Variants in EPS15 observed in about 807,000 individuals in gnomAD.
The protein encoded by EPS15 is epidermal growth factor receptor pathway substrate 15.
A neutral mutation model predicts 113.8 loss-of-function variants in EPS15; 72 were observed. That is an observed-to-expected ratio of 0.63 (90% confidence interval 0.52 to 0.77). The LOEUF is 0.77. Among genes scored for constraint, EPS15 ranks in the 30% least tolerant of loss-of-function variants. The pLI, the probability that EPS15 is intolerant of heterozygous loss-of-function variation, is 0.00. For synonymous variants in EPS15, 344 were observed against 363.4 expected, an observed-to-expected ratio of 0.95 and a Z score of 0.61; for missense variants, 1,048 against 1,045.8, an observed-to-expected ratio of 1.00 and a Z score of -0.03.
rs1467958105 is a variant in EPS15, at chr1:51,398,981, T to A, written c.2052+51A>T. ...CACTATGTATTTCAAGAAACTTGCT[T>A]AGGACACTTATTATCCATTTAACTT... On this transcript the variant is annotated intron_variant, in intron 20 of 24. Coordinates refer to ENST00000371733, the MANE Select transcript of EPS15 (RefSeq NM_001981.3). The A allele has an allele frequency of 2.0e-6, 3 of 1,523,606 alleles. No homozygotes were observed. In the South Asian group the frequency reaches 3.6e-5, roughly 18 times the overall value. 94.4% of individuals were successfully genotyped at this position (1,523,606 alleles called of 1,614,324 possible).
At chr1:51,450,320 C>A (rs1459268034) in intron 8 of EPS15, among the ~76,000 whole-genome samples, 3 of 151,868 alleles carry the variant, frequency 2.0e-5, no homozygotes, top group African/African-American at 7.3e-5. Flanking sequence ...AGAAAACAGG[C>A]TTAACTGGCT....
intron 13 of EPS15, among the ~76,000 whole-genome samples, chr1:51,420,091 A>AT (rs1650607190): frequency 6.6e-6 from 1 of 152,070 alleles, no homozygotes; most frequent in South Asian, 2.1e-4. Flanking sequence ...AGAGCACTCT[A>AT]TGTGGAAAAA....
chr1:51,363,033 C>G lies in EPS15; in HGVS notation c.2359+833G>C, dbSNP rs543847895. Among the ~76,000 whole-genome samples, 18 of 152,278 alleles carry G rather than the reference C, an allele frequency of 1.2e-4. No individual in the cohort carries two copies. The South Asian group carries it at 3.7e-3, about 32-fold the overall frequency. On this transcript the variant is annotated intron_variant, in intron 23 of 24. Transcript: ENST00000371733. ...AGAGTCTTGGCCAGGTGCAGTGGCT[C>G]ACACCTGTAATCCCAGCACTTTGGG... is the stretch of plus-strand genomic sequence containing the variant.
rs1309443214 is a variant in EPS15 at position 51,355,906 on chromosome 1, T to G, written c.*794A>C. On this transcript the variant is annotated 3_prime_UTR_variant, in exon 25 of 25. Transcript: ENST00000371733. ...TGATGGGTATATTTTAGGTGATAAA[T>G]TTTCTCCACTATCTATCACTTAAAA... 5 of 193,746 alleles carry G rather than the reference T, an allele frequency of 2.6e-5. No individual in the cohort carries two copies. The highest frequency in any genetic ancestry group is 5.4e-5 in the Non-Finnish European group (5 of 93,044). The allele number at this position is 193,746 out of a possible 1,614,324, so 12.0% of individuals were successfully genotyped here.
intron 17 of EPS15, among the ~76,000 whole-genome samples, chr1:51,403,034 T>G (rs1343154464): frequency 6.6e-6 from 1 of 152,214 alleles, no homozygotes; most frequent in Non-Finnish European, 1.5e-5. Context: ...AAATAGTGTA[T>G]AATTCATCTG....
intron 1 of EPS15, among the ~76,000 whole-genome samples, chr1:51,483,064 C>T (rs59453708): frequency 0.014 from 2,117 of 152,188 alleles, 53 homozygotes; most frequent in African/African-American, 0.049. Context: ...GTAAACCATT[C>T]CAAGTAGCAT....
chr1:51,417,934 A>G (rs1462772949), intron 13 of EPS15, among the ~76,000 whole-genome samples: 1 of 152,224 alleles, frequency 6.6e-6, no homozygotes. Flanking sequence ...AGTGAGCAAC[A>G]GTAAAGATTC....
At chr1:51,454,102 C>T (rs1653798914) in intron 8 of EPS15, among the ~76,000 whole-genome samples, 1 of 149,380 alleles carries the variant, frequency 6.7e-6, no homozygotes, top group African/African-American at 2.5e-5. Flanking sequence ...TTTTACGACC[C>T]AATAGGAGGA....
chr1:51,371,517 A>G (rs1433114358), intron 21 of EPS15, among the ~76,000 whole-genome samples: 6 of 136,542 alleles, frequency 4.4e-5, no homozygotes, highest in Non-Finnish European at 9.7e-5. Context: ...AAGTTAAAAA[A>G]AAAAAGAAAA....
At chr1:51,374,853 G>A (rs1646749081) in intron 21 of EPS15, among the ~76,000 whole-genome samples, 1 of 151,834 alleles carries the variant, frequency 6.6e-6, no homozygotes, top group Non-Finnish European at 1.5e-5. Flanking sequence ...ACAGGTGCAT[G>A]CCACCATGCC....
At chr1:51,395,496 G>A (rs1647839521) in intron 20 of EPS15, among the ~76,000 whole-genome samples, 1 of 151,580 alleles carries the variant, frequency 6.6e-6, no homozygotes, top group South Asian at 2.1e-4. Context: ...CCCTCAGAGA[G>A]AAAACACATA....
intron 18 of EPS15, 123 bp from the exon 19 acceptor site, chr1:51,401,076 T>C: frequency 1.7e-6 from 1 of 590,872 alleles, no homozygotes; most frequent in Non-Finnish European, 3.0e-6. Context: ...CACTTCACAG[T>C]AGATAAAATA....
intron 24 of EPS15, among the ~76,000 whole-genome samples, chr1:51,357,426 A>ATATATATATATAT (rs1443627608): frequency 3.7e-5 from 2 of 53,542 alleles, no homozygotes; most frequent in African/African-American, 1.9e-4. Context: ...ATATATATAT[A>ATATATATATATAT]TTTTTTTTTT....
In EPS15 at chr1:51,463,682, G is replaced by A. The variant is rs187428413; in HGVS notation, c.492C>T (p.Ile164=). 3.8e-6 allele frequency: 6 copies of A among 1,586,142 alleles called. No homozygotes were observed. The African/African-American group carries it at 5.4e-5, about 14-fold the overall frequency. Residue 164 remains isoleucine, a synonymous_variant, in exon 7 of 25, where the codon ATC becomes ATT. Transcript: ENST00000371733. ...GTAAATAATATCTTACTCTTCCAAG[G>A]ATATCCACAGGTAACTTAGAGTTGA... ...VLLNSKLPVD[I]LGRVWELSDI...
In EPS15 at chr1:51,504,664, G is replaced by C. The variant is rs554804190; in HGVS notation, c.33+14535C>G. Among the ~76,000 whole-genome samples, 4 of 152,232 alleles carry C rather than the reference G, an allele frequency of 2.6e-5. No homozygotes were observed. In the South Asian group the frequency reaches 8.3e-4, roughly 32 times the overall value. Reference sequence around the variant, plus strand: ...CTAATAAGCACATAAAAAGATGCTTGACATCATTAATCATCAGAGAAATGA... The same window carrying C: ...CTAATAAGCACATAAAAAGATGCTTCACATCATTAATCATCAGAGAAATGA... On this transcript the variant is annotated intron_variant, in intron 1 of 24. Transcript: ENST00000371733.
chr1:51,415,491 G>T (rs1650118972), intron 13 of EPS15, among the ~76,000 whole-genome samples: 1 of 151,874 alleles, frequency 6.6e-6, no homozygotes, highest in South Asian at 2.1e-4. Flanking sequence ...TTCTAAATAT[G>T]AAAAAAGGTC....
chr1:51,470,616 C>T (rs1655166023), intron 4 of EPS15, among the ~76,000 whole-genome samples: 1 of 146,460 alleles, frequency 6.8e-6, no homozygotes, highest in African/African-American at 2.6e-5. Flanking sequence ...CACTGTACTC[C>T]AGCCTGGGTA....
In EPS15 at chr1:51,452,905, C is replaced by G. The variant is rs1324667; in HGVS notation, c.562-4770G>C. 7.9e-3 allele frequency among the ~76,000 whole-genome samples: 1,203 copies of G among 152,310 alleles called. 19 individuals carry two copies. Among genetic ancestry groups the G allele is most frequent in the African/African-American group, 0.028 (1,165 of 41,568 alleles). On this transcript the variant is annotated intron_variant, in intron 8 of 24. Coordinates refer to ENST00000371733, the MANE Select transcript of EPS15 (RefSeq NM_001981.3). ...GCCCCTGCACTCAGAATTTTCTAACCAGCAAGGTTGGGCCTGAGAATTTGC... is the reference window on the plus strand; with the variant it reads ...GCCCCTGCACTCAGAATTTTCTAACGAGCAAGGTTGGGCCTGAGAATTTGC...
intron 1 of EPS15, among the ~76,000 whole-genome samples, chr1:51,508,466 T>C (rs1644563256): frequency 6.6e-6 from 1 of 152,136 alleles, no homozygotes; most frequent in Non-Finnish European, 1.5e-5. Context: ...AAATGTCTCC[T>C]ATATCTCAAC....
Sources: gnomAD v4.1 joint callset for allele counts (sites outside exome capture counted in the v4.1 genomes callset) on GRCh38, gnomAD v4.1.1 for gene constraint, MANE v1.5 for transcripts, NCBI Gene and HGNC (gene_info 2026-07-23, HGNC 2026-07-21) for gene names.